Variants in TCF12 observed in about 807,000 individuals in gnomAD.
The protein encoded by TCF12 is DNA-binding protein HTF4.
In TCF12, 45 loss-of-function variants were observed where a neutral mutation model predicts 86.0. That is an observed-to-expected ratio of 0.52 (90% CI 0.41 to 0.67). The LOEUF (loss-of-function observed/expected upper bound fraction) is 0.67, where lower values mean the gene tolerates loss of function less well. Among genes scored for constraint, TCF12 ranks in the 30% least tolerant of loss-of-function variants. The probability of loss-of-function intolerance (pLI) is 0.00; values close to 1 mark genes in which losing one functional copy is unlikely to be tolerated. For synonymous variants in TCF12, 330 were observed against 299.6 expected (o/e 1.10, Z -1.05); for missense variants, 881 against 859.9 (o/e 1.02, Z -0.31).
At chr15:57,264,292 C>G (rs1472329007) in intron 18 of TCF12, among the ~76,000 whole-genome samples, 1 of 143,520 alleles carries the variant, frequency 7.0e-6, no homozygotes, top group African/African-American at 2.6e-5. Context: ...CCTCCGCCTC[C>G]CAGGTTCAAG....
chr15:57,103,931 C>T (rs1372715462), intron 5 of TCF12, among the ~76,000 whole-genome samples: 2 of 152,024 alleles, frequency 1.3e-5, no homozygotes, highest in Non-Finnish European at 2.9e-5. Context: ...TTGCTTGAAC[C>T]CGGGAGGTGG....
chr15:57,067,509 A>C (rs2068986419), intron 4 of TCF12, among the ~76,000 whole-genome samples: 1 of 129,510 alleles, frequency 7.7e-6, no homozygotes, highest in Non-Finnish European at 1.6e-5. Flanking sequence ...ACTGCACTCC[A>C]GCCTGGGCGA....
chr15:56,993,828 C>T (rs2063569345), intron 3 of TCF12, among the ~76,000 whole-genome samples: 1 of 152,138 alleles, frequency 6.6e-6, no homozygotes. Flanking sequence ...AGTTTCATAG[C>T]AATATGTTAA....
intron 3 of TCF12, among the ~76,000 whole-genome samples, chr15:57,011,110 A>C (rs574289455): frequency 6.6e-6 from 1 of 152,112 alleles, no homozygotes; most frequent in Non-Finnish European, 1.5e-5. Flanking sequence ...ATCATTTTTT[A>C]AAAAAATTAA....
chr15:57,005,676 C>G (rs973328212), intron 3 of TCF12, among the ~76,000 whole-genome samples: 3 of 152,120 alleles, frequency 2.0e-5, no homozygotes, highest in Non-Finnish European at 4.4e-5. Flanking sequence ...TCAAGCAGTC[C>G]TCTTACTTCA....
chr15:57,145,331 A>G (rs985026214), intron 5 of TCF12, among the ~76,000 whole-genome samples: 33 of 152,326 alleles, frequency 2.2e-4, no homozygotes, highest in Middle Eastern at 3.4e-3. Context: ...AGCCTTCACT[A>G]CATTTATGAC....
At chr15:57,085,781 T>C (rs1440384023) in intron 4 of TCF12, among the ~76,000 whole-genome samples, 1 of 152,210 alleles carries the variant, frequency 6.6e-6, no homozygotes, top group East Asian at 1.9e-4. Context: ...TAAACACTTA[T>C]TTATATCCAG....
At position 57,267,523 on chromosome 15, in the gene TCF12, A is replaced by G. The variant is rs534527671; in HGVS notation, c.1745+4249A>G. Among the ~76,000 whole-genome samples the G allele has an allele frequency of 7.7e-4, 118 of 152,316 alleles. 1 individual carries two copies. The highest frequency in any genetic ancestry group is 2.7e-3 in the African/African-American group (111 of 41,580). On this transcript the variant is annotated intron_variant, in intron 18 of 20. Coordinates refer to ENST00000333725, the MANE Select transcript of TCF12 (RefSeq NM_207037.2). ...TCTTCTTATAGATCAGGAATCAGCA[A>G]ACTTTCTCTGTAAAGTCCCAAATAG...
intron 3 of TCF12, among the ~76,000 whole-genome samples, chr15:56,970,138 C>G (rs1446617326): frequency 1.3e-5 from 2 of 152,146 alleles, no homozygotes; most frequent in Non-Finnish European, 2.9e-5. Context: ...CTTGGCATCT[C>G]AGAGCACTGG....
intron 4 of TCF12, among the ~76,000 whole-genome samples, chr15:57,073,098 T>C (rs745988677): frequency 7.9e-5 from 12 of 152,206 alleles, no homozygotes; most frequent in Non-Finnish European, 1.6e-4. Context: ...GGGACAACAC[T>C]TACTGAGAGG....
chr15:56,984,014 A>AAAAAAAAAAAAAAAAAAAAAAAGAAG (rs777234282), intron 3 of TCF12, among the ~76,000 whole-genome samples: 5 of 104,392 alleles, frequency 4.8e-5, no homozygotes, highest in African/African-American at 9.1e-5. Context: ...AAAAAAAAAA[A>AAAAAAAAAAAAAAAAAAAAAAAGAAG]AAGAAGAAGA....
intron 3 of TCF12, among the ~76,000 whole-genome samples, chr15:56,928,727 C>G (rs1943412466): frequency 6.6e-6 from 1 of 152,156 alleles, no homozygotes; most frequent in Non-Finnish European, 1.5e-5. Flanking sequence ...AAATCCTTTT[C>G]CATGCTTAGG....
At chr15:57,095,672 T>G (rs568617253) in intron 5 of TCF12, among the ~76,000 whole-genome samples, 65 of 152,308 alleles carry the variant, frequency 4.3e-4, no homozygotes, top group African/African-American at 1.4e-3. Flanking sequence ...TAACAATTTT[T>G]CTTTTAAAGA....
At chr15:57,178,954 C>G (rs1473275135) in intron 6 of TCF12, among the ~76,000 whole-genome samples, 3 of 151,814 alleles carry the variant, frequency 2.0e-5, no homozygotes, top group Non-Finnish European at 4.4e-5. Flanking sequence ...TCTAAGAAGT[C>G]TGTCTGTATT....
At chr15:57,091,536 C>T (rs533876852) in intron 4 of TCF12, among the ~76,000 whole-genome samples, 25 of 152,262 alleles carry the variant, frequency 1.6e-4, no homozygotes, top group Middle Eastern at 3.4e-3. Context: ...TGAAAACATT[C>T]GTGCTCATGG....
At chr15:56,960,430 A>ATTTTTTTTT (rs5812861) in intron 3 of TCF12, among the ~76,000 whole-genome samples, 1 of 128,602 alleles carries the variant, frequency 7.8e-6, no homozygotes, top group African/African-American at 2.8e-5. Flanking sequence ...ACTGTATTGT[A>ATTTTTTTTT]TTTTTTTTTT....
chr15:57,127,870 A>G (rs1426103979), intron 5 of TCF12, among the ~76,000 whole-genome samples: 1 of 152,154 alleles, frequency 6.6e-6, no homozygotes, highest in Non-Finnish European at 1.5e-5. Context: ...GATGAAACAC[A>G]CATTTTTTGC....
intron 3 of TCF12, among the ~76,000 whole-genome samples, chr15:57,053,492 T>C (rs921953609): frequency 1.3e-5 from 2 of 152,228 alleles, no homozygotes; most frequent in Non-Finnish European, 2.9e-5. Flanking sequence ...TGTCTGTTTT[T>C]GCTTTTTTGT....
At chr15:57,249,277 A>G (rs1403961907) in intron 13 of TCF12, among the ~76,000 whole-genome samples, 2 of 152,176 alleles carry the variant, frequency 1.3e-5, no homozygotes, top group Admixed American at 6.5e-5. Flanking sequence ...TAATTATAAA[A>G]TTAGCCCACA....
Sources: gnomAD v4.1 joint callset for allele counts (sites outside exome capture counted in the v4.1 genomes callset) on GRCh38, gnomAD v4.1.1 for gene constraint, MANE v1.5 for transcripts, NCBI Gene and HGNC (gene_info 2026-07-23, HGNC 2026-07-21) for gene names.